Variants in CLSTN2 observed in about 807,000 individuals in gnomAD.
The protein encoded by CLSTN2 is calsyntenin 2.
Under a neutral mutation model 101.2 loss-of-function variants are expected in CLSTN2, and 48 were observed. The ratio of observed to expected loss-of-function variants is 0.47; its 90% CI spans 0.38 to 0.60. The LOEUF (loss-of-function observed/expected upper bound fraction) is 0.60. Ranked by LOEUF, CLSTN2 falls within the 20% of genes least tolerant of loss-of-function variation. The pLI, the probability that CLSTN2 is intolerant of heterozygous loss-of-function variation, is 0.00. For synonymous variants in CLSTN2, 481 were observed against 463.6 expected (o/e 1.04, Z -0.48); for missense variants, 1,160 against 1,238.2 (o/e 0.94, Z 0.95).
chr3:140,272,580 T>C (rs2086752914), intron 2 of CLSTN2, among the ~76,000 whole-genome samples: 1 of 151,998 alleles, frequency 6.6e-6, no homozygotes, highest in South Asian at 2.1e-4. Flanking sequence ...CAAAATCCTG[T>C]CTGTACTAAA....
At chr3:139,959,363 T>A (rs1279085279) in intron 1 of CLSTN2, among the ~76,000 whole-genome samples, 2 of 152,210 alleles carry the variant, frequency 1.3e-5, no homozygotes, top group African/African-American at 4.8e-5. Context: ...CTCTTTGAGG[T>A]ACATAGTGTC....
chr3:140,106,144 C>T (rs2009054735), intron 1 of CLSTN2, among the ~76,000 whole-genome samples: 2 of 152,162 alleles, frequency 1.3e-5, no homozygotes, highest in African/African-American at 4.8e-5. Context: ...TTTTTACAAA[C>T]AATCCAACCC....
At chr3:140,025,836 C>T (rs140117099) in intron 1 of CLSTN2, among the ~76,000 whole-genome samples, 6 of 152,194 alleles carry the variant, frequency 3.9e-5, no homozygotes, top group Non-Finnish European at 8.8e-5. Flanking sequence ...GATGAACATG[C>T]GATGGAGACA....
chr3:140,025,661 A>T (rs781393681), intron 1 of CLSTN2, among the ~76,000 whole-genome samples: 1 of 152,218 alleles, frequency 6.6e-6, no homozygotes, highest in Non-Finnish European at 1.5e-5. Flanking sequence ...TGACAGCTGC[A>T]GCCAAAGAGT....
chr3:139,936,485 C>A (rs568418209), intron 1 of CLSTN2, among the ~76,000 whole-genome samples: 1 of 152,268 alleles, frequency 6.6e-6, no homozygotes, highest in Admixed American at 6.5e-5. Flanking sequence ...GGACTGTGGC[C>A]AAATCCGCCA....
At chr3:139,954,035 A>G (rs569093554) in intron 1 of CLSTN2, among the ~76,000 whole-genome samples, 227 of 151,824 alleles carry the variant, frequency 1.5e-3, no homozygotes, top group Non-Finnish European at 2.7e-3. Flanking sequence ...GGTAAATTGC[A>G]TGTCACAGGG....
At chr3:140,529,986 T>C (rs1332626041) in intron 8 of CLSTN2, among the ~76,000 whole-genome samples, 1 of 152,234 alleles carries the variant, frequency 6.6e-6, no homozygotes, top group African/African-American at 2.4e-5. Flanking sequence ...GGAGTATAAA[T>C]AGGCGTAACC....
chr3:140,134,022 G>T (rs1461953015), intron 1 of CLSTN2, among the ~76,000 whole-genome samples: 1 of 152,156 alleles, frequency 6.6e-6, no homozygotes, highest in Non-Finnish European at 1.5e-5. Flanking sequence ...TGGACCTTGA[G>T]AAGTCAGAGC....
At chr3:140,247,504 T>C (rs376000000) in intron 2 of CLSTN2, among the ~76,000 whole-genome samples, 1 of 152,348 alleles carries the variant, frequency 6.6e-6, no homozygotes, top group Admixed American at 6.5e-5. Context: ...AATGTCAAAC[T>C]GGCATACCAG....
At chr3:140,245,953 T>A (rs189578855) in intron 2 of CLSTN2, among the ~76,000 whole-genome samples, 2 of 152,362 alleles carry the variant, frequency 1.3e-5, no homozygotes, top group African/African-American at 4.8e-5. Flanking sequence ...GATATTCGTA[T>A]TTCCTAAAAG....
At chr3:140,113,535 G>A (rs964335073) in intron 1 of CLSTN2, among the ~76,000 whole-genome samples, 1 of 152,164 alleles carries the variant, frequency 6.6e-6, no homozygotes, top group African/African-American at 2.4e-5. Flanking sequence ...ATTCCTTTCT[G>A]CCCCTTTCTA....
At position 140,009,883 on chromosome 3, in the gene CLSTN2, G is replaced by A. The variant is rs79412071; in HGVS notation, c.109+74400G>A. Among the ~76,000 whole-genome samples the A allele has an allele frequency of 4.3e-3, 656 of 152,264 alleles. 3 individuals carry two copies. In the Middle Eastern group the frequency reaches 0.048, roughly 11 times the overall value. ...TCACTAATAATGAAATTGCTGTCTC[G>A]GCAATGGGTCTTCACCCACGCTGTT... On this transcript the variant is annotated intron_variant, in intron 1 of 16. Transcript: ENST00000458420.
chr3:140,362,713 G>A (rs2087742030), intron 2 of CLSTN2, among the ~76,000 whole-genome samples: 1 of 152,102 alleles, frequency 6.6e-6, no homozygotes, highest in South Asian at 2.1e-4. Flanking sequence ...ACATGAAATG[G>A]TACTCAATCA....
intron 8 of CLSTN2, among the ~76,000 whole-genome samples, chr3:140,504,830 T>G (rs1190575211): frequency 6.6e-6 from 1 of 152,212 alleles, no homozygotes; most frequent in East Asian, 1.9e-4. Context: ...CTTTTGTGTT[T>G]GTGGCATTTG....
At chr3:140,560,833 T>C (rs1371808529) in intron 12 of CLSTN2, among the ~76,000 whole-genome samples, 1 of 152,118 alleles carries the variant, frequency 6.6e-6, no homozygotes, top group African/African-American at 2.4e-5. Context: ...ACCTGGAAAC[T>C]GTGGGAAGGC....
chr3:140,501,212 G>T lies in CLSTN2; in HGVS notation c.1345-31112G>T, dbSNP rs562117440. ...TACTTTCTAGCTTGCCAATAATTAA[G>T]TTCCTGAAATTCCATCGCTTCCTCA... On this transcript the variant is annotated intron_variant, in intron 8 of 16. Transcript: ENST00000458420. Among the ~76,000 whole-genome samples, 16 of 152,192 alleles carry T rather than the reference G, an allele frequency of 1.1e-4. No individual in the cohort carries two copies. In the South Asian group the frequency reaches 1.7e-3, roughly 16 times the overall value.
intron 8 of CLSTN2, among the ~76,000 whole-genome samples, chr3:140,474,251 G>C (rs1933926507): frequency 6.6e-6 from 1 of 152,102 alleles, no homozygotes; most frequent in African/African-American, 2.4e-5. Flanking sequence ...TTTCTGAAGA[G>C]GTGTGTAGGC....
intron 1 of CLSTN2, among the ~76,000 whole-genome samples, chr3:140,171,523 T>G (rs1249426853): frequency 1.3e-5 from 2 of 150,234 alleles, no homozygotes. Context: ...GCTTCAGAGC[T>G]GCTCTCAATT....
At chr3:140,128,475 G>T (rs1472773846) in intron 1 of CLSTN2, among the ~76,000 whole-genome samples, 1 of 152,190 alleles carries the variant, frequency 6.6e-6, no homozygotes, top group Admixed American at 6.5e-5. Context: ...ACAAAAGTGT[G>T]GGCAGGATAT....
Sources: allele counts gnomAD v4.1 joint callset (sites outside exome capture counted in the v4.1 genomes callset), GRCh38; gene constraint gnomAD v4.1.1; transcripts MANE v1.5; gene names NCBI Gene and HGNC (gene_info 2026-07-23, HGNC 2026-07-21).